The following ABCC1 variants were observed in gnomAD, a reference collection of about 807,000 sequenced individuals.
The protein encoded by ABCC1 is ATP binding cassette subfamily C member 1 (ABCC1 blood group).
A neutral mutation model predicts 172.9 loss-of-function variants in ABCC1; 83 were observed. The ratio of observed to expected loss-of-function variants is 0.48; its 90% confidence interval spans 0.40 to 0.58. The LOEUF (loss-of-function observed/expected upper bound fraction) is 0.58. ABCC1 is among the 20% of genes least tolerant of loss of function. The probability of loss-of-function intolerance (pLI) is 0.00; values close to 1 mark genes in which losing one functional copy is unlikely to be tolerated. For missense variants in ABCC1, 1,817 were observed against 2,002.7 expected (o/e 0.91, Z 1.77); for synonymous variants, 937 against 825.2 (o/e 1.14, Z -2.32).
intron 1 of ABCC1, among the ~76,000 whole-genome samples, chr16:15,966,407 C>T (rs905052787): frequency 6.0e-3 from 277 of 46,216 alleles, no homozygotes; most frequent in Non-Finnish European, 9.6e-3. Context: ...GAGACTTTAT[C>T]TTAAAAAAAA....
chr16:16,021,632 G>A (rs1047510261), intron 5 of ABCC1, among the ~76,000 whole-genome samples: 1 of 152,182 alleles, frequency 6.6e-6, no homozygotes, highest in Non-Finnish European at 1.5e-5. Flanking sequence ...CAGGAGAATT[G>A]CTTGTGCCCG....
At chr16:15,955,431 A>G (rs1194165625) in intron 1 of ABCC1, among the ~76,000 whole-genome samples, 1 of 152,116 alleles carries the variant, frequency 6.6e-6, no homozygotes, top group African/African-American at 2.4e-5. Flanking sequence ...GTCTTGGCCC[A>G]GCTGTCCCTC....
intron 5 of ABCC1, among the ~76,000 whole-genome samples, chr16:16,025,583 C>T (rs2048342046): frequency 6.6e-6 from 1 of 152,174 alleles, no homozygotes; most frequent in Non-Finnish European, 1.5e-5. Context: ...GCAGAAAACC[C>T]GTTAGAACTA....
intron 26 of ABCC1, among the ~76,000 whole-genome samples, chr16:16,129,539 G>GT (rs551659773): frequency 0.063 from 8,602 of 137,274 alleles, 329 homozygotes; most frequent in Middle Eastern, 0.089. Context: ...GTTTTTTTTT[G>GT]TTTTTTTTTT....
chr16:15,958,903 C>CAGCGT lies in ABCC1; in HGVS notation c.48+9107_48+9111dup, dbSNP rs368644897. 5.5e-4 allele frequency among the ~76,000 whole-genome samples: 84 copies of CAGCGT among 152,298 alleles called. No individual in the cohort carries two copies. In the East Asian group the frequency reaches 0.011, roughly 21 times the overall value. On this transcript the variant is annotated intron_variant, in intron 1 of 30. Transcript: ENST00000399410. ...TTTGTGGCCTGGTTGCTGTTCTGTG[C>CAGCGT]AGCGTAGTCTTAGCCCCAAACCTGG...
intron 1 of ABCC1, among the ~76,000 whole-genome samples, chr16:15,960,716 G>T (rs970775499): frequency 1.3e-5 from 2 of 152,164 alleles, no homozygotes; most frequent in South Asian, 4.1e-4. Context: ...GCAAGGATGT[G>T]GGGGAAGGGA....
At chr16:16,029,719 AAACTGT>A (rs1371387633) in intron 5 of ABCC1, among the ~76,000 whole-genome samples, 1 of 152,248 alleles carries the variant, frequency 6.6e-6, no homozygotes, top group Non-Finnish European at 1.5e-5. Flanking sequence ...AGAATTTTAA[AAACTGT>A]AACTGTTGGG....
At chr16:16,113,994 T>C (rs902141221) in intron 22 of ABCC1, among the ~76,000 whole-genome samples, 3 of 152,100 alleles carry the variant, frequency 2.0e-5, no homozygotes, top group Admixed American at 6.5e-5. Context: ...GCTCAGGAGG[T>C]GACCACCACT....
intron 3 of ABCC1, among the ~76,000 whole-genome samples, chr16:16,011,672 T>A (rs984334921): frequency 7.9e-5 from 12 of 151,942 alleles, no homozygotes; most frequent in Admixed American, 3.3e-4. Context: ...TTATTTATTT[T>A]TTTATTTTTC....
chr16:16,056,089 A>G lies in ABCC1; in HGVS notation c.1474-3A>G. On this transcript the variant is annotated splice_polypyrimidine_tract_variant and splice_region_variant and intron_variant, in intron 11 of 30. Transcript: ENST00000399410. ...GATGTGTTGACTGCCCGTCTCTTCCAAGGTGGCCCACATGAAGAGCAAAGA... is the reference window on the plus strand; with the variant it reads ...GATGTGTTGACTGCCCGTCTCTTCCGAGGTGGCCCACATGAAGAGCAAAGA... The G allele has an allele frequency of 6.2e-7, 1 of 1,614,072 alleles. No homozygotes were observed. The highest frequency in any genetic ancestry group is 8.5e-7 in the Non-Finnish European group (1 of 1,179,910).
At chr16:15,951,749 G>C (rs1219629956) in intron 1 of ABCC1, among the ~76,000 whole-genome samples, 1 of 151,952 alleles carries the variant, frequency 6.6e-6, no homozygotes, top group Non-Finnish European at 1.5e-5. Flanking sequence ...GAGTGCAGTG[G>C]CACGATCTCA....
rs4148372 is a variant in ABCC1 at position 16,111,310 on chromosome 16, G to GTGGGGCTGGGGC, written c.2872-54_2872-43dup. ...CAGTGCTGGTGAAGCCCCCGACCTTGTGGGGCTGGGGCTGGGGCTGGGTGC... is the reference window on the plus strand; with the variant it reads ...CAGTGCTGGTGAAGCCCCCGACCTTGTGGGGCTGGGGCTGGGGCTGGGGCTGGGGCTGGGTGC... On this transcript the variant is annotated intron_variant, in intron 21 of 30. Transcript: ENST00000399410. The GTGGGGCTGGGGC allele has an allele frequency of 1.2e-4, 160 of 1,285,340 alleles. No homozygotes were observed. The African/African-American group carries it at 1.4e-3, about 11-fold the overall frequency. The allele number at this position is 1,285,340 out of a possible 1,614,324, so 79.6% of individuals were successfully genotyped here.
chr16:16,137,238 G>A (rs1236841227), intron 29 of ABCC1, among the ~76,000 whole-genome samples: 2 of 152,082 alleles, frequency 1.3e-5, no homozygotes, highest in East Asian at 1.9e-4. Context: ...ATCTCGGCTG[G>A]GCTCACATGC....
At chr16:16,111,681 A>T (rs2052396687) in intron 22 of ABCC1, 99 bp downstream of exon 22, 5 of 1,152,402 alleles carry the variant, frequency 4.3e-6, no homozygotes, top group African/African-American at 1.5e-5. Flanking sequence ...GTTTTGTGGG[A>T]CCCCAAACCA....
intron 16 of ABCC1, among the ~76,000 whole-genome samples, chr16:16,081,203 C>A (rs2050792754): frequency 6.6e-6 from 1 of 152,106 alleles, no homozygotes; most frequent in African/African-American, 2.4e-5. Context: ...AGAGCAAAAC[C>A]CTTTCTTTGA....
chr16:15,998,117 C>T (rs905701306), intron 1 of ABCC1, among the ~76,000 whole-genome samples: 63 of 151,550 alleles, frequency 4.2e-4, no homozygotes, highest in African/African-American at 1.5e-3. Flanking sequence ...CCACTGCGCC[C>T]AGTCCCGATA....
At chr16:16,004,601 G>A (rs935783248) in intron 1 of ABCC1, among the ~76,000 whole-genome samples, 2 of 151,356 alleles carry the variant, frequency 1.3e-5, no homozygotes, top group African/African-American at 4.9e-5. Flanking sequence ...TTTAGGGTTT[G>A]TGTCTTGATG....
intron 10 of ABCC1, among the ~76,000 whole-genome samples, chr16:16,050,604 G>A (rs2049386211): frequency 6.6e-6 from 1 of 151,322 alleles, no homozygotes; most frequent in South Asian, 2.1e-4. Flanking sequence ...TTGTCTAATA[G>A]GCTGGGTACA....
At chr16:15,993,222 T>A (rs1352416423) in intron 1 of ABCC1, among the ~76,000 whole-genome samples, 1 of 152,180 alleles carries the variant, frequency 6.6e-6, no homozygotes, top group East Asian at 1.9e-4. Flanking sequence ...TAAACAGTCA[T>A]CGAATGATAG....
Sources: gnomAD v4.1 joint callset for allele counts (sites outside exome capture counted in the v4.1 genomes callset) on GRCh38, gnomAD v4.1.1 for gene constraint, MANE v1.5 for transcripts, NCBI Gene and HGNC (gene_info 2026-07-23, HGNC 2026-07-21) for gene names.